Variants in PCDH15 observed in about 807,000 individuals in gnomAD.
The protein encoded by PCDH15 is protocadherin related 15.
A neutral mutation model predicts 178.5 loss-of-function variants in PCDH15; 129 were observed. The observed-to-expected ratio is 0.72, with a 90% CI of 0.63 to 0.84. The LOEUF is 0.84. PCDH15 is among the 40% of genes least tolerant of loss of function. The pLI, the probability that PCDH15 is intolerant of heterozygous loss-of-function variation, is 0.00. For synonymous variants in PCDH15, 800 were observed against 732.0 expected (o/e 1.09, Z -1.50); for missense variants, 2,230 against 2,099.9 (o/e 1.06, Z -1.21).
chr10:55,507,395 TACAC>T (rs1401881017), intron 2 of PCDH15, among the ~76,000 whole-genome samples: 3 of 150,904 alleles, frequency 2.0e-5, no homozygotes, highest in African/African-American at 7.3e-5. Context: ...CACGCACACA[TACAC>T]ACACATAAAC....
At position 55,215,471 on chromosome 10, in the gene PCDH15, T is replaced by G. The variant is rs1022507626; in HGVS notation, c.-155-48820A>C. Among the ~76,000 whole-genome samples, 4 of 152,184 alleles carry G rather than the reference T, an allele frequency of 2.6e-5. No homozygotes were observed. In the East Asian group the frequency reaches 7.7e-4, roughly 29 times the overall value. On this transcript the variant is annotated intron_variant, in intron 1 of 5. Coordinates refer to the PCDH15 transcript ENST00000458638. ...CTACATAAATTATTTTACAATCCCT[T>G]ATTGTGATTACATTCTTTACTTCCC...
At chr10:54,179,210 C>T (rs1326342041) in intron 13 of PCDH15, among the ~76,000 whole-genome samples, 1 of 151,466 alleles carries the variant, frequency 6.6e-6, no homozygotes, top group Non-Finnish European at 1.5e-5. Flanking sequence ...AAATGTGGCA[C>T]ATATACACCA....
chr10:54,979,634 A>ACTCCAGC (rs1455357061), intron 2 of PCDH15, among the ~76,000 whole-genome samples: 5 of 146,802 alleles, frequency 3.4e-5, no homozygotes, highest in Non-Finnish European at 7.4e-5. Flanking sequence ...GTGCCACTGT[A>ACTCCAGC]CTCCAGCCTG....
intron 1 of PCDH15, among the ~76,000 whole-genome samples, chr10:55,173,341 G>T (rs2589449): frequency 0.3 from 44,207 of 145,906 alleles, 6,876 homozygotes; most frequent in South Asian, 0.44. Context: ...GTGTGTGTGT[G>T]TGTGTATGTG....
intron 18 of PCDH15, among the ~76,000 whole-genome samples, chr10:54,024,303 A>T (rs2093016870): frequency 1.3e-5 from 2 of 152,140 alleles, no homozygotes; most frequent in African/African-American, 4.8e-5. Flanking sequence ...GTAAAATATT[A>T]TATAATTATG....
chr10:53,809,042 C>T, intron 37 of PCDH15: 1 of 1,608,196 alleles, frequency 6.2e-7, no homozygotes, highest in Non-Finnish European at 8.5e-7. Context: ...TCCTTGACCT[C>T]CTCAACCATG....
At chr10:54,916,988 G>C (rs892822605) in intron 2 of PCDH15, among the ~76,000 whole-genome samples, 4 of 152,116 alleles carry the variant, frequency 2.6e-5, no homozygotes, top group African/African-American at 9.7e-5. Flanking sequence ...CAGAAAACAA[G>C]AAAGAGTACG....
chr10:54,516,068 G>GA (rs1367158792), intron 3 of PCDH15, among the ~76,000 whole-genome samples: 2 of 152,128 alleles, frequency 1.3e-5, no homozygotes, highest in East Asian at 1.9e-4. Flanking sequence ...AGAAAAACTG[G>GA]AAACTCTAAA....
chr10:54,748,706 T>C (rs1830797730), intron 1 of PCDH15, among the ~76,000 whole-genome samples: 1 of 152,202 alleles, frequency 6.6e-6, no homozygotes, highest in African/African-American at 2.4e-5. Context: ...GGTAAGGCCT[T>C]AGTTTGTCAA....
chr10:54,550,708 G>A (rs1348976467), intron 2 of PCDH15, among the ~76,000 whole-genome samples: 1 of 152,040 alleles, frequency 6.6e-6, no homozygotes, highest in Non-Finnish European at 1.5e-5. Context: ...TTTTCTTCAG[G>A]AAATATCAGC....
intron 25 of PCDH15, 54 bp from the exon 26 acceptor site, chr10:53,903,424 A>T: frequency 6.2e-7 from 1 of 1,602,332 alleles, no homozygotes; most frequent in Non-Finnish European, 8.5e-7. Flanking sequence ...TGGGGGAAAA[A>T]ATGCACTGAA....
At chr10:54,394,834 G>T (rs113781649) in intron 3 of PCDH15, among the ~76,000 whole-genome samples, 7,438 of 152,164 alleles carry the variant, frequency 0.049, 255 homozygotes, top group Middle Eastern at 0.13. Flanking sequence ...CTCCAGGTGG[G>T]TATTCTCTTT....
intron 13 of PCDH15, among the ~76,000 whole-genome samples, chr10:54,177,591 A>G (rs2047557038): frequency 6.6e-6 from 1 of 152,048 alleles, no homozygotes; most frequent in Admixed American, 6.5e-5. Context: ...CTGCTCAAAA[A>G]AAATCTTTAA....
At chr10:53,988,389 T>C (rs1232010561) in intron 21 of PCDH15, among the ~76,000 whole-genome samples, 1 of 152,196 alleles carries the variant, frequency 6.6e-6, no homozygotes, top group Non-Finnish European at 1.5e-5. Context: ...TTTCTCATTC[T>C]ATAGATAGTT....
At chr10:54,504,746 G>A (rs193292354) in intron 3 of PCDH15, among the ~76,000 whole-genome samples, 181 of 152,104 alleles carry the variant, frequency 1.2e-3, no homozygotes, top group Non-Finnish European at 1.0e-3. Context: ...TGAACACAGG[G>A]TTCTCCTAAC....
intron 6 of PCDH15, among the ~76,000 whole-genome samples, chr10:54,331,789 A>G (rs1939646793): frequency 6.6e-6 from 1 of 152,036 alleles, no homozygotes; most frequent in South Asian, 2.1e-4. Context: ...TAGCTCACAT[A>G]TCTGGTGACA....
intron 1 of PCDH15, among the ~76,000 whole-genome samples, chr10:55,188,266 T>C (rs1221575117): frequency 6.6e-6 from 1 of 151,978 alleles, no homozygotes; most frequent in Non-Finnish European, 1.5e-5. Flanking sequence ...ACCAATTCTA[T>C]ATAATTTTCT....
At chr10:54,778,818 C>T (rs1039814252) in intron 1 of PCDH15, among the ~76,000 whole-genome samples, 7 of 151,878 alleles carry the variant, frequency 4.6e-5, no homozygotes, top group Non-Finnish European at 8.8e-5. Context: ...TTACAATTGT[C>T]GCTATTTATA....
At chr10:54,822,388 T>C (rs1953058987) in intron 3 of PCDH15, among the ~76,000 whole-genome samples, 2 of 152,178 alleles carry the variant, frequency 1.3e-5, no homozygotes, top group African/African-American at 4.8e-5. Flanking sequence ...CCATGTGCTA[T>C]TTGTCTTCAT....
Sources: gnomAD v4.1 joint callset for allele counts (sites outside exome capture counted in the v4.1 genomes callset) on GRCh38, gnomAD v4.1.1 for gene constraint, MANE v1.5 for transcripts, NCBI Gene and HGNC (gene_info 2026-07-23, HGNC 2026-07-21) for gene names.